Variants in SPATA31H1 observed in about 807,000 individuals in gnomAD.
SPATA31H1 encodes SPATA31 subfamily H member 1, also known as spermatogenesis-associated protein 31H1.
the SPATA31H1 span, chr2:27,579,521 A>G: frequency 4.3e-6 from 7 of 1,614,224 alleles, no homozygotes; most frequent in Non-Finnish European, 5.9e-6. Context: ...GTGGCTCCAC[A>G]TCTTCCATAA....
the SPATA31H1 span, among the ~76,000 whole-genome samples, chr2:27,551,158 GGGATTACA>G: frequency 6.6e-6 from 1 of 152,016 alleles, no homozygotes; most frequent in African/African-American, 2.4e-5. Flanking sequence ...CCAAAGTGCT[GGGATTACA>G]GGTGTGAGCC....
chr2:27,551,796 C>T, the SPATA31H1 span, among the ~76,000 whole-genome samples: 1 of 151,960 alleles, frequency 6.6e-6, no homozygotes, highest in Non-Finnish European at 1.5e-5. Context: ...CTGAAAACTA[C>T]TTTCACAGCA....
the SPATA31H1 span, among the ~76,000 whole-genome samples, chr2:27,538,431 T>C: frequency 6.6e-6 from 1 of 152,168 alleles, no homozygotes; most frequent in Non-Finnish European, 1.5e-5. Context: ...AATGAGGTTT[T>C]GAATACCTCC....
the SPATA31H1 span, chr2:27,582,136 G>A: frequency 1.9e-6 from 3 of 1,614,088 alleles, no homozygotes; most frequent in Middle Eastern, 4.9e-4. Context: ...AGCCACCTCA[G>A]TCCCTTGGAA....
At chr2:27,543,718 C>A in the SPATA31H1 span, among the ~76,000 whole-genome samples, 1 of 151,830 alleles carries the variant, frequency 6.6e-6, no homozygotes, top group Admixed American at 6.6e-5. Context: ...TGTGTCTCAA[C>A]CCCTCTCTAC....
chr2:27,546,318 A>AT, the SPATA31H1 span, among the ~76,000 whole-genome samples: 7 of 151,296 alleles, frequency 4.6e-5, no homozygotes, highest in Non-Finnish European at 7.4e-5. Context: ...TAGAACCCTT[A>AT]TTTTTTTTCT....
the SPATA31H1 span, chr2:27,571,390 T>C: frequency 2.5e-6 from 1 of 398,428 alleles, no homozygotes; most frequent in Non-Finnish European, 4.4e-6. Context: ...TCTGTGGCGA[T>C]AACCTTAGGG....
the SPATA31H1 span, chr2:27,569,120 C>T: frequency 2.5e-6 from 1 of 398,918 alleles, no homozygotes; most frequent in African/African-American, 2.1e-5. Context: ...AAGACATTCT[C>T]AAGACAATGC....
chr2:27,570,363 C>G, the SPATA31H1 span: 1 of 398,812 alleles, frequency 2.5e-6, no homozygotes, highest in Admixed American at 4.4e-5. Context: ...GGAAGTAAAC[C>G]TAGGGCCATG....
the SPATA31H1 span, among the ~76,000 whole-genome samples, chr2:27,555,513 A>G: frequency 6.6e-6 from 1 of 151,732 alleles, no homozygotes; most frequent in Non-Finnish European, 1.5e-5. Context: ...CTCTCCAAAA[A>G]CCAAAAAAAA....
At chr2:27,569,426 T>TA in the SPATA31H1 span, 1 of 398,810 alleles carries the variant, frequency 2.5e-6, no homozygotes, top group Non-Finnish European at 4.4e-6. Flanking sequence ...AAACAGGATT[T>TA]TTGGAGTTGA....
the SPATA31H1 span, among the ~76,000 whole-genome samples, chr2:27,548,072 C>T: frequency 6.7e-6 from 1 of 149,022 alleles, no homozygotes; most frequent in South Asian, 2.1e-4. Flanking sequence ...AGCTCCACCT[C>T]CTGGGTTCAC....
the SPATA31H1 span, among the ~76,000 whole-genome samples, chr2:27,563,552 C>A: frequency 6.6e-6 from 1 of 150,516 alleles, no homozygotes. Flanking sequence ...CACACCACCA[C>A]ACCCAGCTAA....
chr2:27,561,038 T>C, the SPATA31H1 span, among the ~76,000 whole-genome samples: 1 of 152,168 alleles, frequency 6.6e-6, no homozygotes, highest in Admixed American at 6.5e-5. Flanking sequence ...GAAGGTCTTC[T>C]ACTGGATTAA....
chr2:27,572,730 G>T, the SPATA31H1 span: 1 of 397,830 alleles, frequency 2.5e-6, no homozygotes, highest in Non-Finnish European at 4.4e-6. Context: ...GTTAAATCTT[G>T]GTTCACAATC....
chr2:27,558,637 A>G, the SPATA31H1 span, among the ~76,000 whole-genome samples: 1 of 12,968 alleles, frequency 7.7e-5, no homozygotes, highest in African/African-American at 3.6e-4. Flanking sequence ...ACGAGACTCC[A>G]TCTGCAATCC....
At chr2:27,562,751 G>A in the SPATA31H1 span, among the ~76,000 whole-genome samples, 1 of 151,602 alleles carries the variant, frequency 6.6e-6, no homozygotes, top group East Asian at 1.9e-4. Context: ...GCTGGGCCTG[G>A]TGGTGCGCAC....
At chr2:27,543,683 T>C in the SPATA31H1 span, among the ~76,000 whole-genome samples, 2 of 151,962 alleles carry the variant, frequency 1.3e-5, no homozygotes, top group African/African-American at 2.4e-5. Context: ...CTTGCTTTTC[T>C]TCTTAGCCAT....
chr2:27,579,339 C>G, the SPATA31H1 span: 2 of 1,614,196 alleles, frequency 1.2e-6, no homozygotes, highest in South Asian at 2.2e-5. Context: ...AGATACCTGT[C>G]AATCTATTCA....
Sources: gnomAD v4.1 joint callset for allele counts (sites outside exome capture counted in the v4.1 genomes callset) on GRCh38, gnomAD v4.1.1 for gene constraint, MANE v1.5 for transcripts, NCBI Gene and HGNC (gene_info 2026-07-23, HGNC 2026-07-21) for gene names.